The following PCDH9 variants were observed in gnomAD, a reference collection of about 807,000 sequenced individuals.
The protein encoded by PCDH9 is protocadherin 9.
PCDH9 carries 24 observed loss-of-function variants against 70.6 expected under a neutral mutation model. The ratio of observed to expected loss-of-function variants is 0.34; its 90% CI spans 0.25 to 0.48. The LOEUF (loss-of-function observed/expected upper bound fraction) is 0.48, where lower values mean the gene tolerates loss of function less well. PCDH9 is among the 20% of genes least tolerant of loss of function. The probability of loss-of-function intolerance (pLI) is 0.99; values close to 1 mark genes in which losing one functional copy is unlikely to be tolerated. For synonymous variants in PCDH9, 562 were observed against 558.5 expected (o/e 1.01, Z -0.09); for missense variants, 1,281 against 1,503.6 (o/e 0.85, Z 2.45).
At chr13:66,493,827 T>A (rs1304740253) in intron 4 of PCDH9, among the ~76,000 whole-genome samples, 1 of 152,122 alleles carries the variant, frequency 6.6e-6, no homozygotes, top group Non-Finnish European at 1.5e-5. Context: ...TATGGGTGAA[T>A]AAACCATTTA....
intron 4 of PCDH9, among the ~76,000 whole-genome samples, chr13:66,384,783 G>T (rs2138251719): frequency 6.6e-6 from 1 of 152,244 alleles, no homozygotes; most frequent in South Asian, 2.1e-4. Context: ...TCCTGCCTCA[G>T]CCTCCCGAGT....
chr13:66,480,515 G>T (rs1186804491), intron 4 of PCDH9, among the ~76,000 whole-genome samples: 1 of 152,220 alleles, frequency 6.6e-6, no homozygotes, highest in Non-Finnish European at 1.5e-5. Flanking sequence ...ACACTCTACA[G>T]AGAAATCTTT....
intron 3 of PCDH9, among the ~76,000 whole-genome samples, chr13:66,648,577 T>G (rs928082454): frequency 2.0e-5 from 3 of 152,156 alleles, no homozygotes; most frequent in African/African-American, 7.2e-5. Context: ...TCCCTTGGAA[T>G]ACCTGGAAAG....
At chr13:66,853,089 A>G (rs1173470596) in intron 3 of PCDH9, among the ~76,000 whole-genome samples, 1 of 151,898 alleles carries the variant, frequency 6.6e-6, no homozygotes, top group African/African-American at 2.4e-5. Flanking sequence ...AATATAAATT[A>G]TAATTTTAAA....
chr13:66,540,250 GA>G (rs1205579848), intron 4 of PCDH9, among the ~76,000 whole-genome samples: 1 of 151,808 alleles, frequency 6.6e-6, no homozygotes, highest in Non-Finnish European at 1.5e-5. Context: ...GAATTTTGGG[GA>G]AAAAAGGCAG....
chr13:66,327,557 TGTAA>T (rs1955869948), intron 4 of PCDH9, among the ~76,000 whole-genome samples: 1 of 152,184 alleles, frequency 6.6e-6, no homozygotes, highest in African/African-American at 2.4e-5. Context: ...ATAAGCACTA[TGTAA>T]GTATGTAAAA....
chr13:66,335,846 G>A (rs1956028683), intron 4 of PCDH9, among the ~76,000 whole-genome samples: 1 of 152,008 alleles, frequency 6.6e-6, no homozygotes, highest in African/African-American at 2.4e-5. Flanking sequence ...TAAAGTACAC[G>A]GGGGTGTCTA....
chr13:66,753,326 G>A (rs1442020), intron 3 of PCDH9, among the ~76,000 whole-genome samples: 79,223 of 151,772 alleles, frequency 0.52, 22,484 homozygotes, highest in Middle Eastern at 0.69. Flanking sequence ...GCAGTTAACA[G>A]TATAATAAAT....
chr13:66,843,388 A>G (rs185563317), intron 3 of PCDH9, among the ~76,000 whole-genome samples: 2 of 152,316 alleles, frequency 1.3e-5, no homozygotes, highest in East Asian at 3.9e-4. Flanking sequence ...ACATGCAATT[A>G]CACACACGTT....
chr13:66,857,759 G>A (rs1255317746), intron 3 of PCDH9, among the ~76,000 whole-genome samples: 1 of 151,994 alleles, frequency 6.6e-6, no homozygotes, highest in Non-Finnish European at 1.5e-5. Context: ...ATGAAATGTA[G>A]TACACATGAA....
At chr13:67,048,451 G>T (rs552759318) in intron 2 of PCDH9, among the ~76,000 whole-genome samples, 1 of 152,160 alleles carries the variant, frequency 6.6e-6, no homozygotes, top group African/African-American at 2.4e-5. Context: ...AGGCCATGCC[G>T]CTGAAAGCAG....
rs1349807601 is a variant in PCDH9, at chr13:66,957,581, G to T, written c.3037-53976C>A. Among the ~76,000 whole-genome samples, 9 of 152,214 alleles carry T rather than the reference G, an allele frequency of 5.9e-5. No individual in the cohort carries two copies. The East Asian group carries it at 1.7e-3, about 29-fold the overall frequency. On this transcript the variant is annotated intron_variant, in intron 2 of 4. Transcript: ENST00000377865. Reference sequence around the variant, plus strand: ...TCCCTCCATGAGGTATTTGCAGATGGGGCCTTTGGGAGATAATTAGGTTTA... The same window carrying T: ...TCCCTCCATGAGGTATTTGCAGATGTGGCCTTTGGGAGATAATTAGGTTTA...
intron 4 of PCDH9, among the ~76,000 whole-genome samples, chr13:66,509,792 T>C (rs1018514530): frequency 1.3e-5 from 2 of 152,138 alleles, no homozygotes; most frequent in Admixed American, 1.3e-4. Flanking sequence ...GCTGTCTAAT[T>C]TTTTCTAGTG....
At chr13:66,444,119 C>T (rs1423763614) in intron 4 of PCDH9, among the ~76,000 whole-genome samples, 1 of 152,160 alleles carries the variant, frequency 6.6e-6, no homozygotes, top group Non-Finnish European at 1.5e-5. Context: ...CCCACGGAGA[C>T]TAAGCCATTC....
intron 2 of PCDH9, among the ~76,000 whole-genome samples, chr13:67,115,117 T>C (rs751295995): frequency 2.6e-5 from 4 of 152,246 alleles, no homozygotes; most frequent in Non-Finnish European, 5.9e-5. Flanking sequence ...CACACGCTAA[T>C]CTCCCAATGC....
chr13:66,807,727 T>C (rs2080433615), intron 3 of PCDH9, among the ~76,000 whole-genome samples: 1 of 152,198 alleles, frequency 6.6e-6, no homozygotes, highest in Non-Finnish European at 1.5e-5. Context: ...ATGTTTCTGT[T>C]AATAATATAT....
intron 3 of PCDH9, among the ~76,000 whole-genome samples, chr13:66,718,988 G>A (rs989361347): frequency 2.9e-4 from 44 of 152,284 alleles, no homozygotes; most frequent in African/African-American, 9.9e-4. Context: ...CAAGAACATT[G>A]TTGAGTTATT....
chr13:66,894,407 T>C (rs192640902), intron 3 of PCDH9, among the ~76,000 whole-genome samples: 18 of 152,320 alleles, frequency 1.2e-4, no homozygotes, highest in African/African-American at 2.4e-4. Context: ...AATTGAAGTA[T>C]AAGCTAAAAT....
chr13:66,726,161 C>T (rs952903621), intron 3 of PCDH9, among the ~76,000 whole-genome samples: 3 of 152,016 alleles, frequency 2.0e-5, no homozygotes, highest in African/African-American at 7.2e-5. Context: ...AGGAGACATA[C>T]ACATTCCTAC....
Sources: allele counts gnomAD v4.1 joint callset (sites outside exome capture counted in the v4.1 genomes callset), GRCh38; gene constraint gnomAD v4.1.1; transcripts MANE v1.5; gene names NCBI Gene and HGNC (gene_info 2026-07-23, HGNC 2026-07-21).